Variants in FBXO34 observed in about 807,000 individuals in gnomAD.
FBXO34 encodes F-box only protein 34.
In FBXO34, 12 loss-of-function variants were observed where a neutral mutation model predicts 24.5. The ratio of observed to expected loss-of-function variants is 0.49; its 90% CI spans 0.31 to 0.79. The LOEUF is 0.79. FBXO34 is among the 30% of genes least tolerant of loss of function. FBXO34 has a pLI of 0.04. For missense variants in FBXO34, 823 were observed against 857.7 expected, an observed-to-expected ratio of 0.96 and a Z score of 0.51; for synonymous variants, 320 against 311.9, an observed-to-expected ratio of 1.03 and a Z score of -0.27.
At chr14:55,426,288 TA>T in the FBXO34 span, among the ~76,000 whole-genome samples, 1 of 150,340 alleles carries the variant, frequency 6.7e-6, no homozygotes, top group African/African-American at 2.4e-5. Context: ...AATAAATAAA[TA>T]AAATAAAGAG....
At chr14:55,284,213 T>G (rs769679361) in intron 1 of FBXO34, among the ~76,000 whole-genome samples, 4 of 152,034 alleles carry the variant, frequency 2.6e-5, no homozygotes, top group Non-Finnish European at 5.9e-5. Context: ...TTTTTTACAC[T>G]TAAAAATTAC....
At chr14:55,325,938 T>G (rs1883328146) in intron 1 of FBXO34, 2 of 152,214 alleles carry the variant, frequency 1.3e-5, no homozygotes, top group Non-Finnish European at 2.9e-5. Flanking sequence ...AAGTGGCAAA[T>G]TATCCCCATT....
chr14:55,417,280 A>G, the FBXO34 span, among the ~76,000 whole-genome samples: 14 of 152,110 alleles, frequency 9.2e-5, 1 homozygote, highest in Non-Finnish European at 1.9e-4. Flanking sequence ...AGTATTTGTA[A>G]CAGGTTGTTA....
At chr14:55,331,253 T>G (rs1448164405) in intron 1 of FBXO34, among the ~76,000 whole-genome samples, 1 of 152,114 alleles carries the variant, frequency 6.6e-6, no homozygotes, top group Non-Finnish European at 1.5e-5. Flanking sequence ...TTCTCCCTTC[T>G]TTGTGGTTTT....
chr14:55,378,415 G>A, the FBXO34 span, among the ~76,000 whole-genome samples: 4 of 152,170 alleles, frequency 2.6e-5, no homozygotes. Flanking sequence ...TTACAGAAAG[G>A]CAAACTATAC....
downstream of FBXO34, among the ~76,000 whole-genome samples, chr14:55,363,966 CAG>C (rs1231783795): frequency 6.7e-6 from 1 of 149,638 alleles, no homozygotes; most frequent in East Asian, 2.0e-4. Flanking sequence ...TTTTTTGAGA[CAG>C]AGTTTCGCTC....
the FBXO34 span, among the ~76,000 whole-genome samples, chr14:55,398,677 C>T: frequency 1.3e-5 from 2 of 152,168 alleles, no homozygotes; most frequent in African/African-American, 4.8e-5. Flanking sequence ...TATGGCTTTG[C>T]ATATGGTATG....
At chr14:55,304,141 C>T (rs4898861) in intron 1 of FBXO34, among the ~76,000 whole-genome samples, 2 of 152,128 alleles carry the variant, frequency 1.3e-5, no homozygotes, top group African/African-American at 2.4e-5. Context: ...GAAACTAGCT[C>T]TAAGTCTATG....
At chr14:55,406,699 T>C in the FBXO34 span, among the ~76,000 whole-genome samples, 1 of 152,202 alleles carries the variant, frequency 6.6e-6, no homozygotes, top group African/African-American at 2.4e-5. Context: ...GGCACTATTC[T>C]GGAAACAAAG....
downstream of FBXO34, among the ~76,000 whole-genome samples, chr14:55,373,229 C>A (rs185500899): frequency 3.8e-4 from 58 of 152,106 alleles, no homozygotes; most frequent in Non-Finnish European, 1.2e-4. Flanking sequence ...TATTCAAGAC[C>A]CTGAACCAGG....
the FBXO34 span, among the ~76,000 whole-genome samples, chr14:55,430,398 TAAAAAAAAAAAAAAAA>T: frequency 8.3e-6 from 1 of 119,828 alleles, no homozygotes; most frequent in Non-Finnish European, 1.7e-5. Flanking sequence ...TCACCCACTT[TAAAAAAAAAAAAAAAA>T]AAAAAAAAAG....
At chr14:55,328,052 G>A (rs143603186) in intron 1 of FBXO34, among the ~76,000 whole-genome samples, 1,812 of 149,914 alleles carry the variant, frequency 0.012, 13 homozygotes, top group Non-Finnish European at 0.02. Context: ...CGCCTCCCAA[G>A]TTCTGCCTCG....
chr14:55,442,513 TAA>T, the FBXO34 span, among the ~76,000 whole-genome samples: 1 of 152,126 alleles, frequency 6.6e-6, no homozygotes, highest in African/African-American at 2.4e-5. Context: ...ATCTGCTCAG[TAA>T]AACTGGATGG....
rs1884405806 is a variant in FBXO34, at chr14:55,352,028, G to A, written c.1638G>A (p.Glu546=). The A allele has an allele frequency of 1.2e-6, 2 of 1,614,082 alleles. No homozygotes were observed. The highest frequency in any genetic ancestry group is 1.3e-5 in the African/African-American group (1 of 74,914). Residue 546 remains glutamate, a synonymous_variant, in exon 2 of 2, where the codon GAG becomes GAA. Transcript: ENST00000313833. ...SSVESTLPVL[E]ASSWKKQVSH... ...TGGAAAGTACATTACCAGTGCTTGA[G>A]GCATCCAGTTGGAAGAAGCAGGTGT...
At chr14:55,359,640 A>G (rs8008663) in intron 3 of FBXO34, among the ~76,000 whole-genome samples, 2,258 of 152,260 alleles carry the variant, frequency 0.015, 27 homozygotes, top group Non-Finnish European at 0.024. Context: ...TAAGACAACA[A>G]TGAAGTTTGC....
chr14:55,357,294 A>G (rs1317617727), downstream of FBXO34, among the ~76,000 whole-genome samples: 2 of 152,178 alleles, frequency 1.3e-5, no homozygotes, highest in African/African-American at 4.8e-5. Context: ...ACTGAAATGG[A>G]AGCAGAGATG....
At chr14:55,273,834 C>T (rs1333739646) in intron 1 of FBXO34, among the ~76,000 whole-genome samples, 2 of 152,194 alleles carry the variant, frequency 1.3e-5, no homozygotes, top group Non-Finnish European at 2.9e-5. Flanking sequence ...GAAACAGAGC[C>T]TCGCTCTGTC....
chr14:55,382,846 GT>G, the FBXO34 span, among the ~76,000 whole-genome samples: 2 of 152,068 alleles, frequency 1.3e-5, no homozygotes, highest in Non-Finnish European at 2.9e-5. Context: ...AAGAACTTTT[GT>G]TTATATGGGT....
At chr14:55,283,797 C>T (rs1881645091) in intron 1 of FBXO34, among the ~76,000 whole-genome samples, 1 of 152,052 alleles carries the variant, frequency 6.6e-6, no homozygotes, top group Non-Finnish European at 1.5e-5. Context: ...TTTGTGTTTT[C>T]CCCCCTTTTA....
Sources: gnomAD v4.1 joint callset for allele counts (sites outside exome capture counted in the v4.1 genomes callset) on GRCh38, gnomAD v4.1.1 for gene constraint, MANE v1.5 for transcripts, NCBI Gene and HGNC (gene_info 2026-07-23, HGNC 2026-07-21) for gene names.